Variants in PPP3CA observed in about 807,000 individuals in gnomAD.
PPP3CA encodes protein phosphatase 3 catalytic subunit alpha, also known as CAM-PRP catalytic subunit.
Under a neutral mutation model 66.5 loss-of-function variants are expected in PPP3CA, and 14 were observed. That is an observed-to-expected ratio of 0.21 (90% confidence interval 0.14 to 0.33). The LOEUF is 0.33. Ranked by LOEUF, PPP3CA falls within the 10% of genes least tolerant of loss-of-function variation. The pLI is 1.00. For synonymous variants in PPP3CA, 232 were observed against 226.2 expected (o/e 1.03, Z -0.23); for missense variants, 317 against 639.5 (o/e 0.50, Z 5.44).
At position 101,073,556 on chromosome 4, in the gene PPP3CA, C is replaced by A. The variant is rs192458052; in HGVS notation, c.955+6976G>T. ...TCTCAAAGTGCTGGGATGCACACGGCCTATGTACCACCTCATACTGATAAT... is the reference window on the plus strand; with the variant it reads ...TCTCAAAGTGCTGGGATGCACACGGACTATGTACCACCTCATACTGATAAT... On this transcript the variant is annotated intron_variant, in intron 8 of 13. Transcript: ENST00000394854. 3.9e-5 allele frequency among the ~76,000 whole-genome samples: 6 copies of A among 152,104 alleles called. No individual in the cohort carries two copies. The East Asian group carries it at 1.2e-3, about 29-fold the overall frequency.
At position 101,234,254 on chromosome 4, in the gene PPP3CA, T is replaced by C. The variant is rs115336707; in HGVS notation, c.59-38138A>G. Among the ~76,000 whole-genome samples the C allele has an allele frequency of 7.3e-3, 1,108 of 152,022 alleles. 11 individuals carry two copies. The highest frequency in any genetic ancestry group is 0.026 in the African/African-American group (1,059 of 41,520). On this transcript the variant is annotated intron_variant, in intron 1 of 13. Coordinates refer to ENST00000394854, the MANE Select transcript of PPP3CA (RefSeq NM_000944.5). The stretch of plus-strand genomic sequence containing the variant: ...AGAATAATATCTATTCCTTTGGGTA[T>C]ATACAGTAATAGGATTGCTGGGTCA...
intron 1 of PPP3CA, among the ~76,000 whole-genome samples, chr4:101,264,815 G>A (rs1018624357): frequency 1.6e-4 from 25 of 152,146 alleles, no homozygotes; most frequent in African/African-American, 5.1e-4. Context: ...GCATGTATGA[G>A]GGAAGACAGG....
chr4:101,314,747 T>A (rs1055583883), intron 1 of PPP3CA, among the ~76,000 whole-genome samples: 2 of 152,028 alleles, frequency 1.3e-5, no homozygotes, highest in African/African-American at 4.8e-5. Context: ...CTATGAGATA[T>A]TTTTGACATT....
chr4:101,028,293 A>G (rs1383760574), intron 13 of PPP3CA, among the ~76,000 whole-genome samples: 6 of 152,334 alleles, frequency 3.9e-5, no homozygotes, highest in Admixed American at 3.3e-4. Flanking sequence ...TATGTATAAT[A>G]AATATTAAAA....
chr4:101,154,808 A>ATT lies in PPP3CA; in HGVS notation c.259+41106_259+41107dup, dbSNP rs779695561. On this transcript the variant is annotated intron_variant, in intron 2 of 13. Transcript: ENST00000394854. ...GCTTCAGAACACATTCACTCCCAGA[A>ATT]TTTTTTTTTTTTTTTTTTTTTTTTT... Among the ~76,000 whole-genome samples the ATT allele has an allele frequency of 6.4e-3, 580 of 90,566 alleles. 43 individuals are homozygous for ATT. Among genetic ancestry groups the ATT allele is most frequent in the Non-Finnish European group, 7.6e-3 (386 of 50,714 alleles). 59.4% of individuals were successfully genotyped at this position (90,566 alleles called of 152,430 possible). A position where few individuals can be genotyped will look rare whatever the true frequency, so the allele number is the denominator to read the frequency against.
At chr4:101,186,979 C>G (rs1724431081) in intron 2 of PPP3CA, among the ~76,000 whole-genome samples, 1 of 152,126 alleles carries the variant, frequency 6.6e-6, no homozygotes, top group South Asian at 2.1e-4. Flanking sequence ...CAGCGTTTCA[C>G]TCTTTCTGAG....
At position 101,210,069 on chromosome 4, in the gene PPP3CA, T is replaced by C. The variant is rs1725253712; in HGVS notation, c.59-13953A>G. On this transcript the variant is annotated intron_variant, in intron 1 of 13. Coordinates refer to ENST00000394854, the MANE Select transcript of PPP3CA (RefSeq NM_000944.5). ...ATTTCTGAGAAGAAAGGCCATAATT[T>C]AATAGATTCTCAAAAGAGTCTGTGA... 2.0e-5 allele frequency among the ~76,000 whole-genome samples: 3 copies of C among 152,168 alleles called. No homozygotes were observed. In the South Asian group the frequency reaches 6.2e-4, roughly 32 times the overall value.
intron 1 of PPP3CA, among the ~76,000 whole-genome samples, chr4:101,298,411 T>C (rs766718386): frequency 2.0e-5 from 3 of 151,792 alleles, no homozygotes; most frequent in Admixed American, 6.6e-5. Context: ...AGTCCACTTA[T>C]ACATGAATTT....
intron 2 of PPP3CA, among the ~76,000 whole-genome samples, chr4:101,139,067 G>A (rs1239975304): frequency 2.6e-5 from 4 of 152,124 alleles, no homozygotes; most frequent in South Asian, 2.1e-4. Context: ...AAACTAGGCC[G>A]GGCATGGTGG....
At chr4:101,345,168 C>T (rs1465217217) in intron 1 of PPP3CA, among the ~76,000 whole-genome samples, 4 of 152,042 alleles carry the variant, frequency 2.6e-5, no homozygotes, top group Admixed American at 2.0e-4. Context: ...AATCCTGCAC[C>T]GAAGCTGAAG....
chr4:101,151,026 A>G (rs1386962197), intron 2 of PPP3CA, among the ~76,000 whole-genome samples: 2 of 152,216 alleles, frequency 1.3e-5, no homozygotes, highest in Non-Finnish European at 2.9e-5. Context: ...ATTAATTATA[A>G]TATCTCAAAA....
At chr4:101,254,805 T>C (rs978772136) in intron 1 of PPP3CA, among the ~76,000 whole-genome samples, 10 of 151,882 alleles carry the variant, frequency 6.6e-5, no homozygotes, top group Non-Finnish European at 1.5e-4. Flanking sequence ...TGATTGTCTA[T>C]AAATTGCTTT....
intron 1 of PPP3CA, among the ~76,000 whole-genome samples, chr4:101,296,821 C>T (rs1419314560): frequency 6.6e-6 from 1 of 152,106 alleles, no homozygotes; most frequent in Non-Finnish European, 1.5e-5. Context: ...TTAGGAGACT[C>T]AAGATTATAG....
intron 1 of PPP3CA, among the ~76,000 whole-genome samples, chr4:101,285,004 ATCT>A (rs1727793529): frequency 6.6e-6 from 1 of 152,096 alleles, no homozygotes; most frequent in Non-Finnish European, 1.5e-5. Context: ...TTCTTTTGGC[ATCT>A]TCTTAAGAAA....
At chr4:101,127,027 G>C (rs1316931249) in intron 2 of PPP3CA, among the ~76,000 whole-genome samples, 1 of 152,126 alleles carries the variant, frequency 6.6e-6, no homozygotes, top group Non-Finnish European at 1.5e-5. Flanking sequence ...TAGGATTTAA[G>C]TCCAAATTCT....
chr4:101,106,394 AAAGAAAGAAAGAAAG>A, intron 3 of PPP3CA, among the ~76,000 whole-genome samples: 1 of 7,390 alleles, frequency 1.4e-4, no homozygotes, highest in Non-Finnish European at 2.8e-4. Context: ...AGAAAGAAAG[AAAGAAAGAAAGAAAG>A]AAAGAAAGAA....
intron 7 of PPP3CA, among the ~76,000 whole-genome samples, chr4:101,080,861 T>G (rs1055030837): frequency 8.5e-5 from 13 of 152,142 alleles, no homozygotes; most frequent in Non-Finnish European, 1.3e-4. Flanking sequence ...AACAGGTATT[T>G]TCTAAGTTAG....
chr4:101,289,827 T>C (rs1560700481), intron 1 of PPP3CA, among the ~76,000 whole-genome samples: 1 of 152,048 alleles, frequency 6.6e-6, no homozygotes, highest in African/African-American at 2.4e-5. Flanking sequence ...TCCAGTTATA[T>C]ATTCAATTTA....
intron 10 of PPP3CA, among the ~76,000 whole-genome samples, chr4:101,053,962 A>T (rs997217419): frequency 1.3e-5 from 2 of 152,034 alleles, no homozygotes; most frequent in Non-Finnish European, 2.9e-5. Context: ...CCAAGCATTT[A>T]TCTAAGCTTG....
Sources: gnomAD v4.1 joint callset for allele counts (sites outside exome capture counted in the v4.1 genomes callset) on GRCh38, gnomAD v4.1.1 for gene constraint, MANE v1.5 for transcripts, NCBI Gene and HGNC (gene_info 2026-07-23, HGNC 2026-07-21) for gene names.